The following DTNB variants were observed in gnomAD, a reference collection of about 807,000 sequenced individuals.
The protein encoded by DTNB is DTN-B.
Under a neutral mutation model 90.7 loss-of-function variants are expected in DTNB, and 63 were observed. The observed-to-expected ratio is 0.69, with a 90% CI of 0.57 to 0.86. The LOEUF (loss-of-function observed/expected upper bound fraction) is 0.86, where lower values mean the gene tolerates loss of function less well. DTNB is among the 40% of genes least tolerant of loss of function. The probability of loss-of-function intolerance (pLI) is 0.00; values close to 1 mark genes in which losing one functional copy is unlikely to be tolerated. For missense variants in DTNB, 744 were observed against 807.1 expected, an observed-to-expected ratio of 0.92 and a Z score of 0.95; for synonymous variants, 277 against 286.7, an observed-to-expected ratio of 0.97 and a Z score of 0.34.
At chr2:25,637,106 G>A (rs2077281443) in intron 3 of DTNB, among the ~76,000 whole-genome samples, 1 of 152,070 alleles carries the variant, frequency 6.6e-6, no homozygotes, top group African/African-American at 2.4e-5. Flanking sequence ...AAGAAATGGG[G>A]AAAGGATTCC....
At chr2:25,472,914 T>C (rs1030575721) in intron 10 of DTNB, among the ~76,000 whole-genome samples, 1 of 152,158 alleles carries the variant, frequency 6.6e-6, no homozygotes, top group African/African-American at 2.4e-5. Context: ...AATTAACAAT[T>C]CATTTTCTCT....
intron 16 of DTNB, among the ~76,000 whole-genome samples, chr2:25,406,111 G>A (rs1377238347): frequency 6.6e-6 from 1 of 152,170 alleles, no homozygotes; most frequent in African/African-American, 2.4e-5. Context: ...AATACGTGCA[G>A]AGGAGGGATC....
chr2:25,660,999 T>C (rs929158170), intron 1 of DTNB, among the ~76,000 whole-genome samples: 16 of 152,246 alleles, frequency 1.1e-4, no homozygotes, highest in African/African-American at 3.4e-4. Context: ...AGCATGGGTA[T>C]ATGATATCAT....
intron 9 of DTNB, among the ~76,000 whole-genome samples, chr2:25,503,648 C>T (rs1412340684): frequency 1.3e-5 from 2 of 152,178 alleles, no homozygotes; most frequent in African/African-American, 4.8e-5. Flanking sequence ...GGCACAGTGG[C>T]TCACGCCTGT....
intron 8 of DTNB, among the ~76,000 whole-genome samples, chr2:25,531,983 A>G (rs2078295280): frequency 6.6e-6 from 1 of 152,188 alleles, no homozygotes; most frequent in Non-Finnish European, 1.5e-5. Context: ...ACGGTGGCTC[A>G]TACCTATAAT....
chr2:25,614,845 TCCCCACACACC>T (rs1423488385), intron 4 of DTNB, among the ~76,000 whole-genome samples: 1 of 152,186 alleles, frequency 6.6e-6, no homozygotes, highest in African/African-American at 2.4e-5. Flanking sequence ...GGGAGTTATT[TCCCCACACACC>T]AAGCAAGCAA....
intron 10 of DTNB, among the ~76,000 whole-genome samples, chr2:25,476,428 A>G (rs2063768978): frequency 6.6e-6 from 1 of 152,222 alleles, no homozygotes; most frequent in Non-Finnish European, 1.5e-5. Context: ...TATAGCTGCC[A>G]TAGATAGAGT....
intron 16 of DTNB, among the ~76,000 whole-genome samples, chr2:25,417,647 G>A (rs189579419): frequency 6.6e-6 from 1 of 152,276 alleles, no homozygotes; most frequent in East Asian, 1.9e-4. Context: ...AAGTAGGTTT[G>A]CAGCAAGTAG....
chr2:25,646,024 C>G (rs1162661684), intron 2 of DTNB, among the ~76,000 whole-genome samples: 2 of 152,118 alleles, frequency 1.3e-5, no homozygotes, highest in African/African-American at 4.8e-5. Flanking sequence ...AAAAATAACT[C>G]TAAGGCCCCC....
intron 10 of DTNB, among the ~76,000 whole-genome samples, chr2:25,473,444 A>G (rs953982569): frequency 6.6e-6 from 1 of 152,234 alleles, no homozygotes; most frequent in Admixed American, 6.5e-5. Context: ...AAAGCCCCAA[A>G]GCATGTGTGT....
intron 10 of DTNB, among the ~76,000 whole-genome samples, chr2:25,471,387 CT>C (rs34374443): frequency 0.27 from 38,665 of 141,656 alleles, 6,177 homozygotes; most frequent in East Asian, 0.55. Flanking sequence ...CATGAAAAAT[CT>C]TTTTTTTTTT....
In DTNB at chr2:25,390,395, A is replaced by G. The variant is rs186396124; in HGVS notation, c.1576-2034T>C. Among the ~76,000 whole-genome samples the G allele has an allele frequency of 2.6e-5, 4 of 152,164 alleles. No individual in the cohort carries two copies. In the East Asian group the frequency reaches 7.7e-4, roughly 29 times the overall value. ...TGTAAAAACAAAACCAAACAGATAA[A>G]CTGGCTTTCATTGAAATTTTAAACT... On this transcript the variant is annotated intron_variant, in intron 16 of 20. Coordinates refer to ENST00000406818, the MANE Select transcript of DTNB (RefSeq NM_021907.5).
chr2:25,519,367 CTTTT>C (rs1197635484), intron 9 of DTNB, among the ~76,000 whole-genome samples: 2 of 126,486 alleles, frequency 1.6e-5, no homozygotes, highest in Admixed American at 8.0e-5. Context: ...CCTGTTTCTA[CTTTT>C]TTTTTTTTTT....
intron 6 of DTNB, among the ~76,000 whole-genome samples, chr2:25,592,924 A>C (rs1371780227): frequency 6.6e-6 from 1 of 152,218 alleles, no homozygotes; most frequent in East Asian, 1.9e-4. Context: ...ATCCTGAGCC[A>C]CTGATTTCCT....
intron 8 of DTNB, among the ~76,000 whole-genome samples, chr2:25,562,734 ACC>A (rs2058445492): frequency 6.6e-6 from 1 of 151,976 alleles, no homozygotes; most frequent in Non-Finnish European, 1.5e-5. Context: ...TTGGAGAAAC[ACC>A]CATTCAGATC....
intron 12 of DTNB, among the ~76,000 whole-genome samples, chr2:25,442,377 C>T (rs1199948650): frequency 2.6e-5 from 4 of 152,198 alleles, no homozygotes; most frequent in Non-Finnish European, 4.4e-5. Flanking sequence ...TGGCCATGCA[C>T]TCCAGTCACC....
At chr2:25,632,209 A>G (rs901564417) in intron 3 of DTNB, among the ~76,000 whole-genome samples, 9 of 151,638 alleles carry the variant, frequency 5.9e-5, no homozygotes, top group East Asian at 1.9e-4. Context: ...AAAAAAAAAA[A>G]AAAAGAAATT....
At chr2:25,470,550 T>C (rs1205745236) in intron 10 of DTNB, among the ~76,000 whole-genome samples, 2 of 151,962 alleles carry the variant, frequency 1.3e-5, no homozygotes, top group Non-Finnish European at 2.9e-5. Flanking sequence ...TAATTTTTTG[T>C]ATTTTTAGTA....
At chr2:25,613,433 T>A (rs889924224) in intron 4 of DTNB, among the ~76,000 whole-genome samples, 6 of 152,176 alleles carry the variant, frequency 3.9e-5, no homozygotes, top group African/African-American at 1.4e-4. Context: ...GTGTCTACTG[T>A]TCCCATGTTT....
Sources: gnomAD v4.1 joint callset for allele counts (sites outside exome capture counted in the v4.1 genomes callset) on GRCh38, gnomAD v4.1.1 for gene constraint, MANE v1.5 for transcripts, NCBI Gene and HGNC (gene_info 2026-07-23, HGNC 2026-07-21) for gene names.